The following PDP2 variants were observed in gnomAD, a reference collection of about 807,000 sequenced individuals.
PDP2 encodes pyruvate dehydrogenase phosphatase catalytic subunit 2.
In PDP2, 23 loss-of-function variants were observed where a neutral mutation model predicts 34.2. The ratio of observed to expected loss-of-function variants is 0.67; its 90% CI spans 0.48 to 0.95. The LOEUF (loss-of-function observed/expected upper bound fraction) is 0.95, where lower values mean the gene tolerates loss of function less well. Among genes scored for constraint, PDP2 ranks in the 40% least tolerant of loss-of-function variants. The pLI is 0.00. For synonymous variants in PDP2, 275 were observed against 269.2 expected (o/e 1.02, Z -0.21); for missense variants, 571 against 659.6 (o/e 0.87, Z 1.47).
rs758673761 is a variant in PDP2 at position 66,885,699 on chromosome 16, C to T, written c.1415C>T (p.Thr472Met). Residue 472 changes from threonine to methionine, a missense_variant, in exon 2 of 2, where the codon ACG becomes ATG. This residue lies in a region of PDP2 where 281 missense variants were observed against 375.8 expected (regional missense o/e 0.75). Transcript: ENST00000311765. This position sits in a 1 kb window ranked among gnomAD's most constrained non-coding sequence, Gnocchi z 4.6. ...CACGAGGCTGACCAAAATGCAGCCACGCGGCTGATCAGACATGCCATCGGG... is the reference window on the plus strand; with the variant it reads ...CACGAGGCTGACCAAAATGCAGCCATGCGGCTGATCAGACATGCCATCGGG... ...GLHEADQNAATRLIRHAIGNN... is the reference protein window; with the variant it reads ...GLHEADQNAAMRLIRHAIGNN... 4 of 1,613,996 alleles carry T rather than the reference C, an allele frequency of 2.5e-6. No individual in the cohort carries two copies. Among genetic ancestry groups the T allele is most frequent in the African/African-American group, 1.3e-5 (1 of 75,012 alleles).
chr16:66,889,474 T>A lies in PDP2; in HGVS notation c.*3600T>A, dbSNP rs747176385. The A allele has an allele frequency of 1.3e-5, 2 of 152,058 alleles. No individual in the cohort carries two copies. Among genetic ancestry groups the A allele is most frequent in the African/African-American group, 2.4e-5 (1 of 41,390 alleles). 9.4% of individuals were successfully genotyped at this position (152,058 alleles called of 1,614,324 possible). A position where few individuals can be genotyped will look rare whatever the true frequency, so the allele number is the denominator to read the frequency against. On this transcript the variant is annotated 3_prime_UTR_variant, in exon 2 of 2. Transcript: ENST00000311765. Reference sequence around the variant, plus strand: ...ACCACCACACACCGCTAATTTTTTGTATTTTTAGTAGAGACAGAGTTTCAC... The same window carrying A: ...ACCACCACACACCGCTAATTTTTTGAATTTTTAGTAGAGACAGAGTTTCAC...
At chr16:66,884,178 A>AG in intron 1 of PDP2, 53 bp from the exon 2 acceptor site, 1 of 1,068,924 alleles carries the variant, frequency 9.4e-7, no homozygotes, top group African/African-American at 1.6e-5. Flanking sequence ...CGTCTCAAAA[A>AG]AAAAAAAAAA....
At chr16:66,881,398 A>G (rs1961508518) in intron 1 of PDP2, among the ~76,000 whole-genome samples, 1 of 150,064 alleles carries the variant, frequency 6.7e-6, no homozygotes, top group Admixed American at 6.6e-5. Context: ...GCTCATTATA[A>G]TGGGTCAAGG....
At position 66,885,559 on chromosome 16, in the gene PDP2, G is replaced by T. The variant is rs767801202; in HGVS notation, c.1275G>T (p.Arg425Ser). 1 of 1,613,976 alleles carries T rather than the reference G, an allele frequency of 6.2e-7. No individual in the cohort carries two copies. Among genetic ancestry groups the T allele is most frequent in the African/African-American group, 1.3e-5 (1 of 74,902 alleles). Residue 425 changes from arginine to serine, a missense_variant, in exon 2 of 2, where the codon AGG becomes AGT. By Grantham distance (110) the Arg-to-Ser change is moderately radical. Transcript: ENST00000311765. The surrounding 1 kb of genome is among the most constrained non-coding windows in gnomAD (Gnocchi z 4.6). ...TGCTGAGCAATGAGGACGTGGTAAG[G>T]CTGGTGGTGGGGCACCTGGCTGAGG... ...WDMLSNEDVV[R>S]LVVGHLAEAD...
In PDP2 at chr16:66,885,575, C is replaced by T; in HGVS notation, c.1291C>T (p.Leu431=). The change falls in exon 2 of 2, where the codon CTG becomes TTG. Residue 431 remains leucine, a synonymous_variant. Transcript: ENST00000311765. This position sits in a 1 kb window ranked among gnomAD's most constrained non-coding sequence, Gnocchi z 4.6. ...CGTGGTAAGGCTGGTGGTGGGGCAC[C>T]TGGCTGAGGCAGATTGGCACAAGAC... ...EDVVRLVVGH[L]AEADWHKTDL... is the part of the protein sequence containing the mutation. The T allele has an allele frequency of 5.0e-6, 8 of 1,614,140 alleles. No homozygotes were observed. Among genetic ancestry groups the T allele is most frequent in the Non-Finnish European group, 6.8e-6 (8 of 1,180,042 alleles).
intron 1 of PDP2, among the ~76,000 whole-genome samples, chr16:66,881,428 T>TTTAATTTAATTTAATTTAATTTAA (rs1555516135): frequency 8.4e-6 from 1 of 119,190 alleles, no homozygotes; most frequent in African/African-American, 4.1e-5. Flanking sequence ...GTTTTTTTTT[T>TTTAATTTAATTTAATTTAATTTAA]TTTAATTTAA....
intron 1 of PDP2, among the ~76,000 whole-genome samples, chr16:66,883,625 T>G (rs1241397777): frequency 6.6e-6 from 1 of 151,572 alleles, no homozygotes; most frequent in Non-Finnish European, 1.5e-5. Context: ...TTTTTTATTT[T>G]TTTGGAGAGA....
At chr16:66,881,428 TTTTAATTTAATTTAATTTAA>T (rs57764227) in intron 1 of PDP2, among the ~76,000 whole-genome samples, 5 of 119,176 alleles carry the variant, frequency 4.2e-5, no homozygotes, top group Admixed American at 8.3e-5. Flanking sequence ...GTTTTTTTTT[TTTTAATTTAATTTAATTTAA>T]TTTAATTTAA....
chr16:66,881,749 T>G (rs994632061), intron 1 of PDP2, among the ~76,000 whole-genome samples: 1 of 152,098 alleles, frequency 6.6e-6, no homozygotes, highest in Non-Finnish European at 1.5e-5. Context: ...GGTGTGATCA[T>G]AGCTCACTGC....
At position 66,886,064 on chromosome 16, in the gene PDP2, C is replaced by T; in HGVS notation, c.*190C>T. The T allele has an allele frequency of 1.6e-6, 1 of 609,462 alleles. No individual in the cohort carries two copies. Among genetic ancestry groups the T allele is most frequent in the South Asian group, 2.1e-5 (1 of 47,822 alleles). 37.8% of individuals were successfully genotyped at this position (609,462 alleles called of 1,614,324 possible). Reference sequence around the variant, plus strand: ...GTGAAATAGCAGTGATTTCATGTCCCTGTATGTTCTGATTAAGTCTTATAT... The same window carrying T: ...GTGAAATAGCAGTGATTTCATGTCCTTGTATGTTCTGATTAAGTCTTATAT... On this transcript the variant is annotated 3_prime_UTR_variant, in exon 2 of 2. Transcript: ENST00000311765.
In PDP2 at chr16:66,888,438, T is replaced by C. The variant is rs1267778730; in HGVS notation, c.*2564T>C. The stretch of plus-strand genomic sequence containing the variant: ...CTAGCATGAGGGTTTGTTGCTAAAA[T>C]TGAGGATTCTATCTGACGTTTACTT... On this transcript the variant is annotated 3_prime_UTR_variant, in exon 2 of 2. Transcript: ENST00000311765. The C allele has an allele frequency of 6.6e-6, 1 of 152,116 alleles. No homozygotes were observed. The highest frequency in any genetic ancestry group is 1.5e-5 in the Non-Finnish European group (1 of 68,022). 9.4% of individuals were successfully genotyped at this position (152,116 alleles called of 1,614,324 possible).
chr16:66,886,504 G>C lies in PDP2; in HGVS notation c.*630G>C. On this transcript the variant is annotated 3_prime_UTR_variant, in exon 2 of 2. Coordinates refer to ENST00000311765, the MANE Select transcript of PDP2 (RefSeq NM_020786.4). ...ACTGAATCCTTAAACTTGCAAACAC[G>C]CCTACTGTAAGCATGCTTGGAATGA... 1 of 463,118 alleles carries C rather than the reference G, an allele frequency of 2.2e-6. No individual in the cohort carries two copies. The highest frequency in any genetic ancestry group is 1.6e-5 in the South Asian group (1 of 63,944). The allele number at this position is 463,118 out of a possible 1,614,324, so 28.7% of individuals were successfully genotyped here. A position where few individuals can be genotyped will look rare whatever the true frequency, so the allele number is the denominator to read the frequency against.
At position 66,884,433 on chromosome 16, in the gene PDP2, A is replaced by T. The variant is rs1961647794; in HGVS notation, c.149A>T (p.Asn50Ile). 2 of 1,614,196 alleles carry T rather than the reference A, an allele frequency of 1.2e-6. No individual in the cohort carries two copies. The highest frequency in any genetic ancestry group is 2.7e-5 in the African/African-American group (2 of 75,052). The change falls in exon 2 of 2, where the codon AAC becomes ATC. Residue 50 changes from asparagine to isoleucine, a missense_variant. Asn to Ile is a moderately radical substitution (Grantham distance 149). Around this residue, in one of 2 missense-constraint regions of PDP2, gnomAD observed 290 missense variants for 283.8 expected, o/e 1.02. Transcript: ENST00000311765. ...TTTTCCCGGGTGCCACCCACCCTAA[A>T]CAGTTCCCCATGTGGTGGCTTTACT... ...RLFSRVPPTL[N>I]SSPCGGFTLC... is the part of the protein sequence containing the mutation.
At position 66,884,636 on chromosome 16, in the gene PDP2, T is replaced by A. The variant is rs1458212601; in HGVS notation, c.352T>A (p.Ser118Thr). 3.1e-6 allele frequency: 5 copies of A among 1,614,024 alleles called. No individual in the cohort carries two copies. The African/African-American group carries it at 6.7e-5, about 22-fold the overall frequency. The change falls in exon 2 of 2, where the codon TCC becomes ACC. Residue 118 changes from serine to threonine, a missense_variant. Ser to Thr is a moderately conservative substitution (Grantham distance 58, BLOSUM62 1). Coordinates refer to ENST00000311765, the MANE Select transcript of PDP2 (RefSeq NM_020786.4). ...RFESNQLAAN[S>T]PVEDRRGVAS... ...TGAGAGCAACCAGCTGGCTGCCAAT[T>A]CCCCAGTGGAGGACCGGCGAGGTGT...
rs554778027 is a variant in PDP2, at chr16:66,883,940, C to T, written c.-54-291C>T. Among the ~76,000 whole-genome samples the T allele has an allele frequency of 5.2e-4, 79 of 151,986 alleles. 1 individual carries two copies. Among genetic ancestry groups the T allele is most frequent in the Non-Finnish European group, 9.1e-4 (62 of 67,956 alleles). Reference sequence around the variant, plus strand: ...CTGTAATCCCAGCACTTTGGGAGGCCGAGGCAGGTGGATCACAAGGTCAGG... The same window carrying T: ...CTGTAATCCCAGCACTTTGGGAGGCTGAGGCAGGTGGATCACAAGGTCAGG... On this transcript the variant is annotated intron_variant, in intron 1 of 1. Transcript: ENST00000311765.
At chr16:66,882,888 G>A (rs1339447725) in intron 1 of PDP2, 1 of 150,020 alleles carries the variant, frequency 6.7e-6, no homozygotes, top group African/African-American at 2.5e-5. Context: ...TGCAGTGGCA[G>A]GAGCACAGCT....
intron 1 of PDP2, among the ~76,000 whole-genome samples, chr16:66,881,267 G>A (rs776509924): frequency 7.2e-5 from 11 of 152,070 alleles, no homozygotes; most frequent in Non-Finnish European, 1.5e-4. Context: ...CCCCCGCACC[G>A]ACTTCTGCGG....
chr16:66,880,958 C>T (rs1269477713), intron 1 of PDP2, among the ~76,000 whole-genome samples: 8 of 152,214 alleles, frequency 5.3e-5, no homozygotes, highest in Non-Finnish European at 7.3e-5. Context: ...TGTGTCCCGA[C>T]TGCACGCCCC....
At chr16:66,882,242 TA>T (rs890654869) in intron 1 of PDP2, among the ~76,000 whole-genome samples, 1 of 152,148 alleles carries the variant, frequency 6.6e-6, no homozygotes, top group Non-Finnish European at 1.5e-5. Flanking sequence ...CGCTTGAGCC[TA>T]GGAGTTTGAG....
Sources: allele counts gnomAD v4.1 joint callset (sites outside exome capture counted in the v4.1 genomes callset), GRCh38; gene constraint gnomAD v4.1.1; regional missense constraint gnomAD v4.1.1; non-coding constraint Gnocchi (gnomAD v3.1); transcripts MANE v1.5; gene names NCBI Gene and HGNC (gene_info 2026-07-23, HGNC 2026-07-21).